Variants in LPIN1 observed in about 807,000 individuals in gnomAD.
The protein encoded by LPIN1 is lipin 1.
In LPIN1, 71 loss-of-function variants were observed where a neutral mutation model predicts 107.5. That is an observed-to-expected ratio of 0.66 (90% CI 0.55 to 0.80). The LOEUF is 0.80. Ranked by LOEUF, LPIN1 falls within the 30% of genes least tolerant of loss-of-function variation. The pLI is 0.00. For synonymous variants in LPIN1, 445 were observed against 452.6 expected (o/e 0.98, Z 0.21); for missense variants, 1,043 against 1,160.6 (o/e 0.90, Z 1.47).
At chr2:11,814,846 C>T (rs976411002) in intron 17 of LPIN1, among the ~76,000 whole-genome samples, 1 of 152,104 alleles carries the variant, frequency 6.6e-6, no homozygotes, top group Non-Finnish European at 1.5e-5. Context: ...AATACTCATC[C>T]AGCCATGTTC....
At chr2:11,734,633 C>G (rs987564360) in intron 1 of LPIN1, among the ~76,000 whole-genome samples, 1 of 152,162 alleles carries the variant, frequency 6.6e-6, no homozygotes, top group African/African-American at 2.4e-5. Context: ...TTTACCTTCT[C>G]ATGGAAGGTA....
At chr2:11,729,060 A>G (rs2148543650) in intron 1 of LPIN1, among the ~76,000 whole-genome samples, 1 of 152,328 alleles carries the variant, frequency 6.6e-6, no homozygotes, top group East Asian at 1.9e-4. Context: ...TGTTTTAGTC[A>G]TGAAGTCTTT....
chr2:11,754,057 C>T (rs985342712), intron 1 of LPIN1, among the ~76,000 whole-genome samples: 3 of 152,136 alleles, frequency 2.0e-5, no homozygotes, highest in South Asian at 2.1e-4. Context: ...GCCCCAAAAT[C>T]GTCCCTGTCA....
intron 11 of LPIN1, among the ~76,000 whole-genome samples, chr2:11,787,595 ACT>A (rs1328471061): frequency 2.0e-5 from 3 of 151,122 alleles, no homozygotes; most frequent in Non-Finnish European, 4.4e-5. Flanking sequence ...GAATAGTCAC[ACT>A]CTGCAGTACA....
chr2:11,784,059 C>T (rs1175444483), intron 9 of LPIN1, 137 bp downstream of exon 9: 4 of 1,421,178 alleles, frequency 2.8e-6, no homozygotes, highest in Non-Finnish European at 3.8e-6. Flanking sequence ...AATCCCAGCA[C>T]TTTGGGAGGC....
chr2:11,795,636 T>C (rs1054298631), intron 14 of LPIN1, 149 bp downstream of exon 14: 2 of 781,456 alleles, frequency 2.6e-6, no homozygotes, highest in Non-Finnish European at 4.5e-6. Flanking sequence ...TTATTTAACT[T>C]GGTTCTCCCA....
upstream of LPIN1, among the ~76,000 whole-genome samples, chr2:11,723,323 TGAG>T (rs1664292528): frequency 6.6e-6 from 1 of 152,196 alleles, no homozygotes; most frequent in African/African-American, 2.4e-5. Context: ...GTCTTGCTAA[TGAG>T]AAGAAAACCC....
chr2:11,819,393 C>CA, intron 18 of LPIN1, 91 bp from the exon 19 acceptor site: 2 of 859,452 alleles, frequency 2.3e-6, no homozygotes, highest in Non-Finnish European at 4.0e-6. Flanking sequence ...TGAGTTTTCT[C>CA]AGTGTTGCGG....
intron 1 of LPIN1, among the ~76,000 whole-genome samples, chr2:11,732,159 C>T (rs1665300788): frequency 6.6e-6 from 1 of 152,172 alleles, no homozygotes; most frequent in Non-Finnish European, 1.5e-5. Context: ...TATGTAATAT[C>T]TTGCAATATG....
chr2:11,798,274 C>T (rs1677074639), intron 14 of LPIN1, among the ~76,000 whole-genome samples: 1 of 152,094 alleles, frequency 6.6e-6, no homozygotes, highest in African/African-American at 2.4e-5. Flanking sequence ...CAGTCTTAGA[C>T]CTAGGGGAAG....
rs1413348259 is a variant in LPIN1, at chr2:11,779,653, T to A, written c.957+8T>A. ...CTGCCGCAGGCTGCTAAGGTGAGAG[T>A]CTCTTCAATTCTGCCACGGACCGAA... On this transcript the variant is annotated splice_region_variant and intron_variant, in intron 7 of 20. Coordinates refer to ENST00000674199, the MANE Select transcript of LPIN1 (RefSeq NM_001349206.2). 6.2e-7 allele frequency: 1 copy of A among 1,613,488 alleles called. No homozygotes were observed. The highest frequency in any genetic ancestry group is 8.5e-7 in the Non-Finnish European group (1 of 1,179,746).
upstream of LPIN1, chr2:11,721,612 A>T (rs1664153030): frequency 6.6e-6 from 1 of 152,094 alleles, no homozygotes. Flanking sequence ...AAAAACATTG[A>T]GTTTGGTTGA....
intron 13 of LPIN1, among the ~76,000 whole-genome samples, chr2:11,793,237 A>T (rs1479634031): frequency 6.6e-6 from 1 of 152,172 alleles, no homozygotes; most frequent in African/African-American, 2.4e-5. Flanking sequence ...CCTCACTCCC[A>T]CACCAGGTCC....
Position 11,771,187 on chromosome 2 carries a change from T to G in LPIN1, c.289-185T>G, listed in dbSNP as rs2148632565. On this transcript the variant is annotated intron_variant, in intron 3 of 20. Transcript: ENST00000674199. The surrounding 1 kb of genome is among the most constrained non-coding windows in gnomAD (Gnocchi z 4.8). ...TCAATACATTGTTGGCTTTCTGATC[T>G]TCTACCAGATTGGGCAGCCACATCT... 6.6e-6 allele frequency among the ~76,000 whole-genome samples: 1 copy of G among 152,314 alleles called. No individual in the cohort carries two copies. The highest frequency in any genetic ancestry group is 3.4e-3 in the Middle Eastern group (1 of 294).
chr2:11,795,406 A>G lies in LPIN1; in HGVS notation c.1807-2A>G, dbSNP rs533651991. The G allele has an allele frequency of 1.4e-5, 23 of 1,613,258 alleles. No individual in the cohort carries two copies. In the Admixed American group the frequency reaches 2.2e-4, roughly 15 times the overall value. On this transcript the variant is annotated splice_acceptor_variant, in intron 13 of 20. Transcript: ENST00000674199. LOFTEE classifies it high-confidence loss of function. ...GTGACTCTTTCTTTTCTTCTTTTCT[A>G]GGAAAGTAAGCCAGAGCAGTGCTTG...
In LPIN1 at chr2:11,795,432, G is replaced by T. The variant is rs760030291; in HGVS notation, c.1831G>T (p.Ala611Ser). The T allele has an allele frequency of 6.2e-7, 1 of 1,614,058 alleles. No individual in the cohort carries two copies. Reference sequence around the variant, plus strand: ...GGAAAGTAAGCCAGAGCAGTGCTTGGCTGGCAAGGCCCATAGCACCGGAGA... The same window carrying T: ...GGAAAGTAAGCCAGAGCAGTGCTTGTCTGGCAAGGCCCATAGCACCGGAGA... ...KEESKPEQCLAGKAHSTGEQP... is the reference protein window; with the variant it reads ...KEESKPEQCLSGKAHSTGEQP... The change falls in exon 14 of 21, where the codon GCT becomes TCT. Residue 611 changes from alanine (A) to serine (S), a missense_variant. Ala to Ser is a moderately conservative substitution (Grantham distance 99). Coordinates refer to ENST00000674199, the MANE Select transcript of LPIN1 (RefSeq NM_001349206.2).
At chr2:11,811,373 T>G (rs1679618904) in intron 17 of LPIN1, among the ~76,000 whole-genome samples, 1 of 152,248 alleles carries the variant, frequency 6.6e-6, no homozygotes, top group South Asian at 2.1e-4. Context: ...GGGCACTTGT[T>G]GGCATTGCAG....
intron 1 of LPIN1, among the ~76,000 whole-genome samples, chr2:11,710,255 C>T (rs1215429614): frequency 1.3e-5 from 2 of 152,072 alleles, no homozygotes. Flanking sequence ...TCAATATATG[C>T]ATTTATGGTG....
chr2:11,741,200 T>C, intron 1 of LPIN1: 1 of 570,386 alleles, frequency 1.8e-6, no homozygotes, highest in Non-Finnish European at 3.1e-6. Flanking sequence ...ATAGAGGGAC[T>C]GACCAGGAGC....
Sources: gnomAD v4.1 joint callset for allele counts (sites outside exome capture counted in the v4.1 genomes callset) on GRCh38, gnomAD v4.1.1 for gene constraint, Gnocchi (gnomAD v3.1) non-coding constraint, MANE v1.5 for transcripts, NCBI Gene and HGNC (gene_info 2026-07-23, HGNC 2026-07-21) for gene names.